LRRC7: variants seen among roughly 807,000 people sequenced by gnomAD.
LRRC7 encodes leucine-rich repeat-containing protein 7.
In LRRC7, 23 loss-of-function variants were observed where a neutral mutation model predicts 175.7. The observed-to-expected ratio is 0.13, with a 90% CI of 0.09 to 0.19. The LOEUF is 0.19. Ranked by LOEUF, LRRC7 falls within the 10% of genes least tolerant of loss-of-function variation. The pLI, the probability that LRRC7 is intolerant of heterozygous loss-of-function variation, is 1.00. For missense variants in LRRC7, 1,354 were observed against 1,904.7 expected (o/e 0.71, Z 5.38); for synonymous variants, 685 against 680.9 (o/e 1.01, Z -0.09).
intron 3 of LRRC7, among the ~76,000 whole-genome samples, chr1:69,782,574 T>C (rs1673891749): frequency 6.6e-6 from 1 of 152,008 alleles, no homozygotes; most frequent in African/African-American, 2.4e-5. Context: ...GGAGATGTGG[T>C]AATGCAGGAC....
At chr1:69,788,557 T>C (rs1419501103) in intron 3 of LRRC7, among the ~76,000 whole-genome samples, 1 of 152,238 alleles carries the variant, frequency 6.6e-6, no homozygotes, top group African/African-American at 2.4e-5. Flanking sequence ...TCAAGTCTCC[T>C]CATGTTGTCA....
intron 7 of LRRC7, among the ~76,000 whole-genome samples, chr1:69,909,403 T>A (rs1048329996): frequency 6.6e-5 from 10 of 152,238 alleles, no homozygotes; most frequent in African/African-American, 2.4e-4. Context: ...TTGCAGTGGC[T>A]GGTACCGGTT....
intron 2 of LRRC7, among the ~76,000 whole-genome samples, chr1:69,743,799 G>A (rs919329786): frequency 3.3e-5 from 5 of 151,832 alleles, no homozygotes; most frequent in African/African-American, 4.8e-5. Flanking sequence ...GTGGCTAAGA[G>A]TCTGTACAGA....
intron 11 of LRRC7, among the ~76,000 whole-genome samples, chr1:69,999,982 A>G (rs1655374389): frequency 6.6e-6 from 1 of 151,756 alleles, no homozygotes. Context: ...GCTGCCACCC[A>G]CTCTAGTTCT....
chr1:70,112,361 A>C (rs1665582246), intron 26 of LRRC7, among the ~76,000 whole-genome samples: 1 of 152,130 alleles, frequency 6.6e-6, no homozygotes, highest in Non-Finnish European at 1.5e-5. Context: ...ATCACTGACA[A>C]TTCCACTCCA....
chr1:69,738,825 A>G (rs1038579115), intron 2 of LRRC7, among the ~76,000 whole-genome samples: 1 of 152,098 alleles, frequency 6.6e-6, no homozygotes, highest in African/African-American at 2.4e-5. Flanking sequence ...CGGAGTAGAA[A>G]AAAAACTTAA....
chr1:70,059,470 AGAAAGTGTGTGT>A (rs1661402859), intron 23 of LRRC7, among the ~76,000 whole-genome samples: 1 of 128,092 alleles, frequency 7.8e-6, no homozygotes, highest in South Asian at 2.7e-4. Flanking sequence ...AGAAACTAGA[AGAAAGTGTGTGT>A]GTGTGTGTGT....
chr1:69,694,718 T>C (rs1251058486), intron 2 of LRRC7, among the ~76,000 whole-genome samples: 2 of 138,586 alleles, frequency 1.4e-5, no homozygotes, highest in Non-Finnish European at 3.1e-5. Context: ...TCTGGTTGTT[T>C]AAAAGAGTGT....
chr1:70,039,777 C>T lies in LRRC7; in HGVS notation c.3953C>T (p.Ala1318Val), dbSNP rs773848392. The part of the protein sequence containing the change: ...WRQQLLRHIE[A>V]RRLDRNAAYK... Reference sequence around the variant, plus strand: ...CAACAGCTGCTTAGACATATAGAAGCTAGACGGTTAGACAGGGTATGTCTG... The same window carrying T: ...CAACAGCTGCTTAGACATATAGAAGTTAGACGGTTAGACAGGGTATGTCTG... Residue 1318 changes from alanine to valine, a missense_variant, in exon 21 of 27, where the codon GCT becomes GTT. Coordinates refer to ENST00000651989, the MANE Select transcript of LRRC7 (RefSeq NM_001370785.2). 1 of 1,599,108 alleles carries T rather than the reference C, an allele frequency of 6.3e-7. No homozygotes were observed. The highest frequency in any genetic ancestry group is 8.5e-7 in the Non-Finnish European group (1 of 1,174,208).
intron 9 of LRRC7, among the ~76,000 whole-genome samples, chr1:69,982,310 G>A (rs1272769995): frequency 4.6e-5 from 7 of 152,094 alleles, no homozygotes; most frequent in African/African-American, 1.4e-4. Context: ...TACGCTGTGT[G>A]GGAATACCCT....
intron 23 of LRRC7, among the ~76,000 whole-genome samples, chr1:70,064,526 A>G (rs943683572): frequency 6.6e-6 from 1 of 151,808 alleles, no homozygotes; most frequent in Non-Finnish European, 1.5e-5. Context: ...ACCCCTCCCA[A>G]CAAAAAAAAT....
intron 25 of LRRC7, among the ~76,000 whole-genome samples, chr1:70,097,515 G>A (rs1664496442): frequency 6.6e-6 from 1 of 151,564 alleles, no homozygotes; most frequent in Admixed American, 6.6e-5. Context: ...CATTGTTCTG[G>A]TTAGTTACAT....
At chr1:69,838,956 C>CA in intron 7 of LRRC7, 2 of 166,406 alleles carry the variant, frequency 1.2e-5, no homozygotes, top group East Asian at 1.8e-4. Context: ...TTTTGAAAGT[C>CA]AAAATGGGTT....
rs1647380295 is a variant in LRRC7, at chr1:69,931,543, C to T, written c.684C>T (p.Asp228=). Residue 228 remains aspartate, a synonymous_variant, in exon 8 of 27, where the codon GAC becomes GAT. Coordinates refer to ENST00000651989, the MANE Select transcript of LRRC7 (RefSeq NM_001370785.2). ...AACTGGCCCAGTTGGAAAGACTTGA[C>T]CTAGGCAATAATGAATTCGGTGAGC... ...MHKLAQLERL[D]LGNNEFGELP... is the part of the protein sequence containing the mutation. 1.2e-6 allele frequency: 2 copies of T among 1,613,884 alleles called. No homozygotes were observed. The highest frequency in any genetic ancestry group is 1.7e-6 in the Non-Finnish European group (2 of 1,179,832).
intron 22 of LRRC7, among the ~76,000 whole-genome samples, chr1:70,046,493 A>G (rs746441695): frequency 6.6e-6 from 1 of 152,172 alleles, no homozygotes; most frequent in African/African-American, 2.4e-5. Flanking sequence ...ATTATCGTCA[A>G]TATTTTATTA....
chr1:69,940,196 T>C (rs1180879695), intron 8 of LRRC7, among the ~76,000 whole-genome samples: 3 of 152,134 alleles, frequency 2.0e-5, no homozygotes, highest in Non-Finnish European at 4.4e-5. Flanking sequence ...GTCTCCACTT[T>C]TATCAATGCA....
chr1:69,973,501 A>C (rs1412022642), intron 8 of LRRC7, among the ~76,000 whole-genome samples: 4 of 152,222 alleles, frequency 2.6e-5, no homozygotes, highest in African/African-American at 9.6e-5. Context: ...TTGCATATAC[A>C]TGGCAGGAGT....
chr1:69,817,008 G>A (rs1678675276), intron 4 of LRRC7, among the ~76,000 whole-genome samples: 1 of 151,938 alleles, frequency 6.6e-6, no homozygotes, highest in Non-Finnish European at 1.5e-5. Context: ...ATTTCATTGT[G>A]CACATATATA....
At chr1:70,095,306 T>C (rs1025184885) in intron 25 of LRRC7, among the ~76,000 whole-genome samples, 30 of 152,176 alleles carry the variant, frequency 2.0e-4, no homozygotes, top group African/African-American at 7.2e-4. Flanking sequence ...CAAGCATAAG[T>C]TCTTTTATAA....
Sources: allele counts gnomAD v4.1 joint callset (sites outside exome capture counted in the v4.1 genomes callset), GRCh38; gene constraint gnomAD v4.1.1; transcripts MANE v1.5; gene names NCBI Gene and HGNC (gene_info 2026-07-23, HGNC 2026-07-21).